Variants in CACHD1 observed in about 807,000 individuals in gnomAD.
The protein encoded by CACHD1 is VWFA and cache domain-containing protein 1.
In CACHD1, 71 loss-of-function variants were observed where a neutral mutation model predicts 138.7. The ratio of observed to expected loss-of-function variants is 0.51; its 90% CI spans 0.42 to 0.62. CACHD1 has a LOEUF of 0.62. CACHD1 is among the 20% of genes least tolerant of loss of function. The probability of loss-of-function intolerance (pLI) is 0.00; values close to 1 mark genes in which losing one functional copy is unlikely to be tolerated. For missense variants in CACHD1, 1,389 were observed against 1,625.3 expected (o/e 0.85, Z 2.50); for synonymous variants, 578 against 591.5 (o/e 0.98, Z 0.33).
At chr1:64,643,825 A>G (rs192607202) in intron 8 of CACHD1, among the ~76,000 whole-genome samples, 25 of 152,278 alleles carry the variant, frequency 1.6e-4, no homozygotes, top group African/African-American at 4.8e-4. Flanking sequence ...GCGACAGAGC[A>G]AGACTCCAAA....
intron 4 of CACHD1, among the ~76,000 whole-genome samples, chr1:64,610,503 A>T (rs1272456101): frequency 6.6e-6 from 1 of 152,230 alleles, no homozygotes; most frequent in Non-Finnish European, 1.5e-5. Context: ...AAGGGGCTAC[A>T]GGCCCCATGC....
chr1:64,650,785 C>T (rs1056089252), intron 9 of CACHD1, among the ~76,000 whole-genome samples: 6 of 152,048 alleles, frequency 3.9e-5, no homozygotes, highest in African/African-American at 1.2e-4. Flanking sequence ...AGACATCAAG[C>T]GCAGGAAAAA....
chr1:64,583,033 G>A (rs1158854269), intron 3 of CACHD1, among the ~76,000 whole-genome samples: 3 of 152,156 alleles, frequency 2.0e-5, no homozygotes, highest in Admixed American at 6.6e-5. Flanking sequence ...AATAAAAGAC[G>A]TTAATATGTT....
intron 2 of CACHD1, among the ~76,000 whole-genome samples, chr1:64,577,055 C>T (rs981198125): frequency 1.3e-5 from 2 of 151,972 alleles, no homozygotes; most frequent in Admixed American, 6.5e-5. Flanking sequence ...GTGATCCTCC[C>T]GCCTCAGCCC....
At chr1:64,551,603 G>C (rs1027239472) in intron 2 of CACHD1, among the ~76,000 whole-genome samples, 4 of 152,154 alleles carry the variant, frequency 2.6e-5, no homozygotes, top group Non-Finnish European at 4.4e-5. Flanking sequence ...TGAACTCTCT[G>C]AGATTCCGCC....
intron 3 of CACHD1, among the ~76,000 whole-genome samples, chr1:64,582,739 T>A (rs12023993): frequency 0.11 from 17,412 of 152,182 alleles, 1,032 homozygotes; most frequent in Middle Eastern, 0.19. Context: ...GGGAAATGTG[T>A]TTTCAGATCA....
At chr1:64,533,590 A>G (rs949962526) in intron 1 of CACHD1, among the ~76,000 whole-genome samples, 1 of 152,168 alleles carries the variant, frequency 6.6e-6, no homozygotes, top group Non-Finnish European at 1.5e-5. Context: ...CTGTTTACCA[A>G]ATTAACTCAA....
intron 7 of CACHD1, among the ~76,000 whole-genome samples, chr1:64,635,455 C>T (rs547019954): frequency 6.8e-6 from 1 of 146,998 alleles, no homozygotes; most frequent in African/African-American, 2.5e-5. Context: ...GCAATCCCGG[C>T]TCACTGCAAC....
chr1:64,601,889 C>T (rs1008422218), intron 3 of CACHD1, among the ~76,000 whole-genome samples: 4 of 152,206 alleles, frequency 2.6e-5, no homozygotes, highest in Non-Finnish European at 4.4e-5. Flanking sequence ...AGAGTCCTCT[C>T]AGGGTCTGAA....
intron 24 of CACHD1, 45 bp downstream of exon 24, chr1:64,679,801 G>C: frequency 1.2e-6 from 2 of 1,603,840 alleles, no homozygotes; most frequent in Non-Finnish European, 1.7e-6. Context: ...AGCCAGGCTA[G>C]AAGGACAGTG....
At chr1:64,689,732 C>T (rs765503628) in intron 26 of CACHD1, among the ~76,000 whole-genome samples, 24 of 152,164 alleles carry the variant, frequency 1.6e-4, no homozygotes, top group Non-Finnish European at 2.6e-4. Context: ...ACAGGGATGG[C>T]CTTTATATCC....
chr1:64,634,918 C>A (rs1022600968), intron 7 of CACHD1, among the ~76,000 whole-genome samples: 3 of 150,214 alleles, frequency 2.0e-5, no homozygotes, highest in African/African-American at 7.4e-5. Context: ...ATCACTTGAA[C>A]CCAGGAGGCA....
chr1:64,470,799 C>T lies in CACHD1; in HGVS notation c.55C>T (p.Pro19Ser). 1 of 1,278,996 alleles carries T rather than the reference C, an allele frequency of 7.8e-7. No homozygotes were observed. Among genetic ancestry groups the T allele is most frequent in the Non-Finnish European group, 1.1e-6 (1 of 920,774 alleles). 79.2% of individuals were successfully genotyped at this position (1,278,996 alleles called of 1,614,324 possible). ...ETAVARARRP[P>S]LWLLCLVACW... ...GGCCGTGGCCCGGGCGCGGCGGCCG[C>T]CCCTCTGGCTGCTCTGCCTGGTCGC... is the stretch of plus-strand genomic sequence containing the variant. The change falls in exon 1 of 27, where the codon CCC (proline) becomes TCC (serine). Residue 19 changes from proline (P) to serine (S), a missense_variant. By Grantham distance (74) the Pro-to-Ser change is moderately conservative (BLOSUM62 -1). Around this residue, in one of 5 missense-constraint regions of CACHD1, gnomAD observed 1,000 missense variants for 1,114.7 expected, o/e 0.90. Transcript: ENST00000651257. This position sits in a 1 kb window ranked among gnomAD's most constrained non-coding sequence, Gnocchi z 5.2.
chr1:64,555,554 G>A (rs1241663541), intron 2 of CACHD1, among the ~76,000 whole-genome samples: 16 of 152,212 alleles, frequency 1.1e-4, no homozygotes, highest in Admixed American at 5.9e-4. Flanking sequence ...CCGAGGAGCC[G>A]GGACTACAGG....
At chr1:64,677,355 CCTTT>C (rs1650032459) in intron 22 of CACHD1, among the ~76,000 whole-genome samples, 1 of 152,158 alleles carries the variant, frequency 6.6e-6, no homozygotes, top group Non-Finnish European at 1.5e-5. Context: ...CATTTATTTT[CCTTT>C]CTTAGGAAAC....
At chr1:64,608,592 G>A (rs1339636762) in intron 4 of CACHD1, among the ~76,000 whole-genome samples, 1 of 152,152 alleles carries the variant, frequency 6.6e-6, no homozygotes, top group Non-Finnish European at 1.5e-5. Flanking sequence ...ACACATATGT[G>A]TATTCTTTTT....
At chr1:64,506,286 A>G (rs959686153) in intron 1 of CACHD1, 3 of 152,244 alleles carry the variant, frequency 2.0e-5, no homozygotes, top group Non-Finnish European at 2.9e-5. Flanking sequence ...AGAGAGGCCA[A>G]AGTTCTTCAG....
intron 7 of CACHD1, among the ~76,000 whole-genome samples, chr1:64,640,537 C>G (rs1327437298): frequency 2.6e-5 from 4 of 151,878 alleles, no homozygotes; most frequent in Non-Finnish European, 5.9e-5. Flanking sequence ...ATTAGCCAGG[C>G]ATAATGGCAC....
At chr1:64,678,122 C>T in intron 22 of CACHD1, 37 bp from the exon 23 acceptor site, 1 of 1,599,326 alleles carries the variant, frequency 6.3e-7, no homozygotes. Context: ...CTGCCCCACA[C>T]TGCTTTATAG....
Sources: allele counts gnomAD v4.1 joint callset (sites outside exome capture counted in the v4.1 genomes callset), GRCh38; gene constraint gnomAD v4.1.1; regional missense constraint gnomAD v4.1.1; non-coding constraint Gnocchi (gnomAD v3.1); transcripts MANE v1.5; gene names NCBI Gene and HGNC (gene_info 2026-07-23, HGNC 2026-07-21).